Variants in COL10A1 observed in about 807,000 individuals in gnomAD.
COL10A1 encodes the protein collagen alpha-1(X) chain.
COL10A1 carries 10 observed loss-of-function variants against 18.2 expected under a neutral mutation model. The observed-to-expected ratio is 0.55, with a 90% CI of 0.34 to 0.93. The LOEUF is 0.93. Among genes scored for constraint, COL10A1 ranks in the 40% least tolerant of loss-of-function variants. The pLI is 0.02. For missense variants in COL10A1, 897 were observed against 853.5 expected (o/e 1.05, Z -0.64); for synonymous variants, 330 against 316.6 (o/e 1.04, Z -0.45).
the COL10A1 span, among the ~76,000 whole-genome samples, chr6:116,174,409 C>T: frequency 6.6e-6 from 1 of 152,078 alleles, no homozygotes; most frequent in Non-Finnish European, 1.5e-5. Flanking sequence ...TTAATTCTTC[C>T]CCTCACTCCT....
chr6:116,178,912 G>C, the COL10A1 span, among the ~76,000 whole-genome samples: 520 of 152,248 alleles, frequency 3.4e-3, 15 homozygotes, highest in South Asian at 0.046. Context: ...TGCATTTCCA[G>C]CCCTCTAATT....
chr6:116,161,967 G>A (rs1365790348), upstream of COL10A1, among the ~76,000 whole-genome samples: 1 of 151,838 alleles, frequency 6.6e-6, no homozygotes, highest in East Asian at 1.9e-4. Context: ...TTATGTTTTT[G>A]TATGGCTATT....
chr6:116,207,437 AAG>A, the COL10A1 span, among the ~76,000 whole-genome samples: 1 of 151,944 alleles, frequency 6.6e-6, no homozygotes, highest in South Asian at 2.1e-4. Flanking sequence ...TATATAGGTA[AAG>A]ACTAAGTTTA....
At position 116,119,965 on chromosome 6, in the gene COL10A1, A is replaced by T; in HGVS notation, c.*108T>A. On this transcript the variant is annotated 3_prime_UTR_variant, in exon 3 of 3. Transcript: ENST00000651968. ...GATAGCTCAAATCTGTATTTCAGAAAATAAAAATTACATTCTTTTCAGCCT... is the reference window on the plus strand; with the variant it reads ...GATAGCTCAAATCTGTATTTCAGAATATAAAAATTACATTCTTTTCAGCCT... 9.4e-7 allele frequency: 1 copy of T among 1,064,662 alleles called. No individual in the cohort carries two copies. 66.0% of individuals were successfully genotyped at this position (1,064,662 alleles called of 1,614,324 possible).
At chr6:116,172,183 A>C in the COL10A1 span, among the ~76,000 whole-genome samples, 318 of 152,312 alleles carry the variant, frequency 2.1e-3, 1 homozygote, top group African/African-American at 7.1e-3. Context: ...TGATTTCCTC[A>C]TAGAAAGATT....
intron 1 of COL10A1, among the ~76,000 whole-genome samples, chr6:116,150,229 G>A (rs1335305654): frequency 6.6e-6 from 1 of 152,072 alleles, no homozygotes. Context: ...GCATGCTGAG[G>A]GAGCCCATGG....
the COL10A1 span, among the ~76,000 whole-genome samples, chr6:116,186,996 G>T: frequency 2.0e-5 from 3 of 152,036 alleles, no homozygotes; most frequent in Non-Finnish European, 4.4e-5. Flanking sequence ...GGTAAACTAT[G>T]TCAGATGGTA....
At chr6:116,153,256 ATATGT>A (rs1303306451) in intron 1 of COL10A1, among the ~76,000 whole-genome samples, 1 of 152,076 alleles carries the variant, frequency 6.6e-6, no homozygotes, top group Admixed American at 6.6e-5. Context: ...TATTTATAAG[ATATGT>A]TATATAAGAC....
the COL10A1 span, among the ~76,000 whole-genome samples, chr6:116,173,903 C>T: frequency 2.0e-5 from 3 of 152,146 alleles, no homozygotes; most frequent in African/African-American, 7.2e-5. Context: ...TGTCCTTTTC[C>T]TGTCCCATAA....
At position 116,126,132 on chromosome 6, in the gene COL10A1, T is replaced by G. The variant is rs1452097970; in HGVS notation, c.-95A>C. The G allele has an allele frequency of 6.5e-6, 1 of 153,042 alleles. No individual in the cohort carries two copies. The highest frequency in any genetic ancestry group is 1.5e-5 in the Non-Finnish European group (1 of 68,728). 9.5% of individuals were successfully genotyped at this position (153,042 alleles called of 1,614,324 possible). A position where few individuals can be genotyped will look rare whatever the true frequency, so the allele number is the denominator to read the frequency against. On this transcript the variant is annotated 5_prime_UTR_variant, in exon 1 of 3. Coordinates refer to ENST00000651968, the MANE Select transcript of COL10A1 (RefSeq NM_000493.4). Reference sequence around the variant, plus strand: ...CTGCCCAGATGAGCAGTGCAGAAGGTGCCTCTCAAGAGCTGTTCAGTGGTA... The same window carrying G: ...CTGCCCAGATGAGCAGTGCAGAAGGGGCCTCTCAAGAGCTGTTCAGTGGTA...
the COL10A1 span, among the ~76,000 whole-genome samples, chr6:116,215,109 C>A: frequency 6.6e-6 from 1 of 152,108 alleles, no homozygotes; most frequent in African/African-American, 2.4e-5. Flanking sequence ...TATTGCTTTC[C>A]TGGTTCTGAA....
chr6:116,204,859 T>C, the COL10A1 span, among the ~76,000 whole-genome samples: 1 of 152,062 alleles, frequency 6.6e-6, no homozygotes, highest in African/African-American at 2.4e-5. Flanking sequence ...TTATTTGTTA[T>C]AATTACATGG....
intron 1 of COL10A1, among the ~76,000 whole-genome samples, chr6:116,139,523 T>G (rs563918833): frequency 1.3e-5 from 2 of 152,314 alleles, no homozygotes; most frequent in South Asian, 4.1e-4. Context: ...GATATTGAAC[T>G]GCATTTAAAA....
chr6:116,133,380 G>A (rs1384183691), intron 1 of COL10A1, among the ~76,000 whole-genome samples: 9 of 151,976 alleles, frequency 5.9e-5, no homozygotes, highest in African/African-American at 2.2e-4. Flanking sequence ...GAAGTCACAG[G>A]GTAACACTTT....
chr6:116,165,920 C>T, the COL10A1 span, among the ~76,000 whole-genome samples: 3 of 152,216 alleles, frequency 2.0e-5, no homozygotes, highest in Admixed American at 2.0e-4. Context: ...AATGCACAAC[C>T]AGTATGGTGT....
At chr6:116,180,724 C>G in the COL10A1 span, among the ~76,000 whole-genome samples, 1 of 151,994 alleles carries the variant, frequency 6.6e-6, no homozygotes, top group Admixed American at 6.6e-5. Context: ...AGGCAATAAG[C>G]AGAATCCAGA....
At chr6:116,153,374 C>T (rs1582838659) in intron 1 of COL10A1, among the ~76,000 whole-genome samples, 1 of 151,924 alleles carries the variant, frequency 6.6e-6, no homozygotes, top group South Asian at 2.1e-4. Flanking sequence ...GAATTTAGCT[C>T]GATTTTAGAT....
chr6:116,179,261 T>C, the COL10A1 span, among the ~76,000 whole-genome samples: 1 of 152,166 alleles, frequency 6.6e-6, no homozygotes, highest in South Asian at 2.1e-4. Flanking sequence ...CCTTATCTTA[T>C]TAATATTACA....
chr6:116,121,889 G>A lies in COL10A1; in HGVS notation c.227C>T (p.Pro76Leu). 1 of 1,614,028 alleles carries A rather than the reference G, an allele frequency of 6.2e-7. No individual in the cohort carries two copies. The highest frequency in any genetic ancestry group is 8.5e-7 in the Non-Finnish European group (1 of 1,180,008). ...GCCTGGTTTTCCTGGTGGTCCAGAA[G>A]GACCTGGGTGCCCTCGAGGTCCAGC... is the stretch of plus-strand genomic sequence containing the variant. ...GPAGPRGHPG[P>L]SGPPGKPGYG... The change falls in exon 3 of 3, where the codon CCT becomes CTT. Residue 76 changes from proline (P) to leucine (L), a missense_variant. Pro to Leu is a moderately conservative substitution (Grantham distance 98). Transcript: ENST00000651968.
Sources: allele counts gnomAD v4.1 joint callset (sites outside exome capture counted in the v4.1 genomes callset), GRCh38; gene constraint gnomAD v4.1.1; transcripts MANE v1.5; gene names NCBI Gene and HGNC (gene_info 2026-07-23, HGNC 2026-07-21).